Variants in ASTN2 observed in about 807,000 individuals in gnomAD.
ASTN2 encodes astrotactin 2.
A neutral mutation model predicts 139.8 loss-of-function variants in ASTN2; 54 were observed. The observed-to-expected ratio is 0.39, with a 90% CI of 0.31 to 0.48. The LOEUF (loss-of-function observed/expected upper bound fraction) is 0.48. Among genes scored for constraint, ASTN2 ranks in the 20% least tolerant of loss-of-function variants. ASTN2 has a pLI of 0.95. For missense variants in ASTN2, 1,565 were observed against 1,725.1 expected, an observed-to-expected ratio of 0.91 and a Z score of 1.64; for synonymous variants, 756 against 719.5, an observed-to-expected ratio of 1.05 and a Z score of -0.81.
chr9:116,711,602 A>G (rs1345925642), intron 16 of ASTN2, among the ~76,000 whole-genome samples: 1 of 152,118 alleles, frequency 6.6e-6, no homozygotes, highest in Non-Finnish European at 1.5e-5. Flanking sequence ...TCTTAGACTC[A>G]GTATATTCAA....
At position 117,120,049 on chromosome 9, in the gene ASTN2, T is replaced by TATATATATATAC. The variant is rs1433485798; in HGVS notation, c.1168+21276_1168+21277insGTATATATATAT. On this transcript the variant is annotated intron_variant, in intron 4 of 22. Coordinates refer to ENST00000313400, the MANE Select transcript of ASTN2 (RefSeq NM_001365068.1). Reference sequence around the variant, plus strand: ...ATATATATATATATATATATATATATACCCTGAGTATATATACTCAGAGAT... The same window carrying TATATATATATAC: ...ATATATATATATATATATATATATATATATATATATACACCCTGAGTATATATACTCAGAGAT... 7.9e-4 allele frequency among the ~76,000 whole-genome samples: 102 copies of TATATATATATAC among 129,344 alleles called. 1 individual carries two copies. The highest frequency in any genetic ancestry group is 3.8e-3 in the Middle Eastern group (1 of 264). The allele number at this position is 129,344 out of a possible 152,430, so 84.9% of individuals were successfully genotyped here. A position where few individuals can be genotyped will look rare whatever the true frequency, so the allele number is the denominator to read the frequency against.
At chr9:116,572,479 G>A (rs1260842049) in intron 19 of ASTN2, among the ~76,000 whole-genome samples, 1 of 152,200 alleles carries the variant, frequency 6.6e-6, no homozygotes, top group African/African-American at 2.4e-5. Flanking sequence ...CCTATAATTT[G>A]CCGTTGAAAG....
chr9:117,113,189 T>G (rs544383919), intron 4 of ASTN2, among the ~76,000 whole-genome samples: 1 of 152,328 alleles, frequency 6.6e-6, no homozygotes, highest in South Asian at 2.1e-4. Flanking sequence ...TCTCAAAATG[T>G]TAATTCTACA....
intron 19 of ASTN2, chr9:116,568,760 C>T (rs748513677): frequency 3.9e-5 from 6 of 152,146 alleles, no homozygotes; most frequent in Non-Finnish European, 7.3e-5. Context: ...GGATCAGGAC[C>T]ACAGGACCAA....
chr9:117,069,272 T>C (rs955948948), intron 5 of ASTN2, among the ~76,000 whole-genome samples: 2 of 108,222 alleles, frequency 1.8e-5, no homozygotes, highest in East Asian at 3.5e-4. Flanking sequence ...ATGTACCCAG[T>C]AGTCACTCAG....
chr9:116,705,216 C>T (rs899524653), intron 16 of ASTN2, among the ~76,000 whole-genome samples: 6 of 152,134 alleles, frequency 3.9e-5, no homozygotes, highest in Admixed American at 3.9e-4. Flanking sequence ...GACTGTTTCA[C>T]ATTTTATTGC....
At chr9:117,148,394 G>A (rs530017727) in intron 3 of ASTN2, among the ~76,000 whole-genome samples, 11 of 152,268 alleles carry the variant, frequency 7.2e-5, no homozygotes, top group Middle Eastern at 3.4e-3. Context: ...TCACTAACCT[G>A]TCAGCTTCAT....
chr9:117,004,600 C>G (rs1024939688), intron 7 of ASTN2, among the ~76,000 whole-genome samples: 6 of 152,138 alleles, frequency 3.9e-5, no homozygotes, highest in Admixed American at 3.3e-4. Context: ...AAGAAATCCT[C>G]AAATAGAGGG....
Position 117,414,990 on chromosome 9 carries a change from G to A in ASTN2, c.-52C>T. 1 of 207,828 alleles carries A rather than the reference G, an allele frequency of 4.8e-6. No individual in the cohort carries two copies. The highest frequency in any genetic ancestry group is 9.0e-6 in the Non-Finnish European group (1 of 111,014). 12.9% of individuals were successfully genotyped at this position (207,828 alleles called of 1,614,324 possible). The stretch of plus-strand genomic sequence containing the variant: ...CGGCGGCGGCGGTGGCGGCGGTGGC[G>A]AAGGAGGAAGAGGAGGCAGCTGCGG... On this transcript the variant is annotated 5_prime_UTR_variant, in exon 1 of 23. Coordinates refer to ENST00000313400, the MANE Select transcript of ASTN2 (RefSeq NM_001365068.1). The surrounding 1 kb of genome is among the most constrained non-coding windows in gnomAD (Gnocchi z 4.2).
chr9:117,209,772 T>C (rs537169241), intron 3 of ASTN2, among the ~76,000 whole-genome samples: 113 of 152,282 alleles, frequency 7.4e-4, no homozygotes, highest in African/African-American at 2.6e-3. Context: ...CATCAGCACA[T>C]GGGACATTCT....
At chr9:116,827,219 G>T (rs1159571365) in intron 11 of ASTN2, among the ~76,000 whole-genome samples, 1 of 149,374 alleles carries the variant, frequency 6.7e-6, no homozygotes. Flanking sequence ...TGAGGCAAGA[G>T]AATCTCTTGA....
chr9:116,906,503 C>T (rs1376474790), intron 10 of ASTN2, among the ~76,000 whole-genome samples: 2 of 152,144 alleles, frequency 1.3e-5, no homozygotes, highest in African/African-American at 2.4e-5. Flanking sequence ...AGACCCTTCT[C>T]TCATTCCACT....
intron 2 of ASTN2, among the ~76,000 whole-genome samples, chr9:117,269,838 A>AT (rs1387271897): frequency 2.6e-5 from 4 of 152,086 alleles, no homozygotes; most frequent in East Asian, 1.9e-4. Context: ...AAGGCCCATG[A>AT]TTTTTTTCCT....
At chr9:116,558,554 G>C (rs1852748126) in intron 19 of ASTN2, among the ~76,000 whole-genome samples, 1 of 152,132 alleles carries the variant, frequency 6.6e-6, no homozygotes, top group South Asian at 2.1e-4. Context: ...CCAATGACTT[G>C]GCATTGCTTT....
intron 10 of ASTN2, among the ~76,000 whole-genome samples, chr9:116,952,878 G>A (rs1421855083): frequency 1.3e-5 from 2 of 152,160 alleles, no homozygotes; most frequent in Admixed American, 6.5e-5. Flanking sequence ...TGAAAACAAG[G>A]GACATTTGTG....
At chr9:116,841,457 T>C (rs1462788778) in intron 11 of ASTN2, among the ~76,000 whole-genome samples, 1 of 152,202 alleles carries the variant, frequency 6.6e-6, no homozygotes, top group East Asian at 1.9e-4. Flanking sequence ...ACCAGGCTGG[T>C]CTTGAACTCC....
At position 117,114,788 on chromosome 9, in the gene ASTN2, C is replaced by A. The variant is rs943606893; in HGVS notation, c.1169-18637G>T. Among the ~76,000 whole-genome samples the A allele has an allele frequency of 2.0e-5, 3 of 152,168 alleles. No homozygotes were observed. In the South Asian group the frequency reaches 6.2e-4, roughly 32 times the overall value. ...GGTCAGAAAAGGCCATGCAATGTCA[C>A]TTAGTTCTCCTGGGACAGAAACCAG... is the stretch of plus-strand genomic sequence containing the variant. On this transcript the variant is annotated intron_variant, in intron 4 of 22. Coordinates refer to ENST00000313400, the MANE Select transcript of ASTN2 (RefSeq NM_001365068.1).
chr9:116,699,076 C>T lies in ASTN2; in HGVS notation c.2806+26695G>A. ...AACTGCCAGGGGCTGATTGGTGTGACTGACAGCTATGATAACTCCCTCAAG... is the reference window on the plus strand; with the variant it reads ...AACTGCCAGGGGCTGATTGGTGTGATTGACAGCTATGATAACTCCCTCAAG... On this transcript the variant is annotated intron_variant, in intron 16 of 22. Transcript: ENST00000313400. This position sits in a 1 kb window ranked among gnomAD's most constrained non-coding sequence, Gnocchi z 4.2. 6.2e-7 allele frequency: 1 copy of T among 1,614,116 alleles called. No individual in the cohort carries two copies. The highest frequency in any genetic ancestry group is 8.5e-7 in the Non-Finnish European group (1 of 1,179,976).
intron 2 of ASTN2, among the ~76,000 whole-genome samples, chr9:117,253,136 T>C (rs1301536774): frequency 6.6e-6 from 1 of 152,188 alleles, no homozygotes; most frequent in Admixed American, 6.5e-5. Context: ...CCCCTGGTCA[T>C]ACCATGACTG....
Sources: gnomAD v4.1 joint callset for allele counts (sites outside exome capture counted in the v4.1 genomes callset) on GRCh38, gnomAD v4.1.1 for gene constraint, Gnocchi (gnomAD v3.1) non-coding constraint, MANE v1.5 for transcripts, NCBI Gene and HGNC (gene_info 2026-07-23, HGNC 2026-07-21) for gene names.